Variants in ABI3BP observed in about 807,000 individuals in gnomAD.
The protein encoded by ABI3BP is target of Nesh-SH3.
Under a neutral mutation model 268.6 loss-of-function variants are expected in ABI3BP, and 216 were observed. The observed-to-expected ratio is 0.80, with a 90% CI of 0.72 to 0.90. The LOEUF (loss-of-function observed/expected upper bound fraction) is 0.90. Ranked by LOEUF, ABI3BP falls within the 40% of genes least tolerant of loss-of-function variation. The pLI is 0.00. For synonymous variants in ABI3BP, 730 were observed against 730.0 expected, an observed-to-expected ratio of 1.00 and a Z score of 0.00; for missense variants, 2,090 against 2,182.4, an observed-to-expected ratio of 0.96 and a Z score of 0.84.
chr3:100,896,113 T>G (rs912191466), intron 4 of ABI3BP, among the ~76,000 whole-genome samples: 1 of 152,220 alleles, frequency 6.6e-6, no homozygotes, highest in Non-Finnish European at 1.5e-5. Flanking sequence ...TTGTCATTAT[T>G]GTATCTTTCA....
intron 1 of ABI3BP, among the ~76,000 whole-genome samples, chr3:100,942,147 A>G (rs2069605996): frequency 6.6e-6 from 1 of 152,102 alleles, no homozygotes; most frequent in Non-Finnish European, 1.5e-5. Flanking sequence ...TAGTGACACA[A>G]ATTTGAATAT....
At chr3:100,831,459 C>A (rs897616976) in intron 31 of ABI3BP, among the ~76,000 whole-genome samples, 3 of 152,128 alleles carry the variant, frequency 2.0e-5, no homozygotes, top group African/African-American at 7.2e-5. Context: ...CTTTACTTAA[C>A]ATAAGTAGCT....
chr3:100,972,963 T>C (rs904002644), intron 1 of ABI3BP, among the ~76,000 whole-genome samples: 1 of 152,216 alleles, frequency 6.6e-6, no homozygotes, highest in Non-Finnish European at 1.5e-5. Flanking sequence ...AACAAGGTGA[T>C]GCTCTGCCTT....
intron 2 of ABI3BP, among the ~76,000 whole-genome samples, chr3:100,926,075 A>G (rs567628745): frequency 6.6e-6 from 1 of 152,238 alleles, no homozygotes; most frequent in East Asian, 1.9e-4. Flanking sequence ...TTCTTGAGTT[A>G]TATAGCCAGG....
At chr3:100,868,987 TA>T (rs755671535) in intron 9 of ABI3BP, among the ~76,000 whole-genome samples, 4 of 152,172 alleles carry the variant, frequency 2.6e-5, no homozygotes, top group Non-Finnish European at 5.9e-5. Flanking sequence ...TTTTTAAATG[TA>T]AAATTATAAG....
At position 100,792,677 on chromosome 3, in the gene ABI3BP, G is replaced by C; in HGVS notation, c.4024+14C>G. The stretch of plus-strand genomic sequence containing the variant: ...AAGGAAAAGTTATTCTCCAGAGGTA[G>C]GGGAGAGGATTACCCTGAGTTGTCT... On this transcript the variant is annotated intron_variant, in intron 55 of 67. Coordinates refer to ENST00000471714, the MANE Select transcript of ABI3BP (RefSeq NM_001375547.2). The C allele has an allele frequency of 6.2e-7, 1 of 1,608,092 alleles. No homozygotes were observed.
At chr3:100,775,784 G>C (rs991425523) in intron 59 of ABI3BP, among the ~76,000 whole-genome samples, 1 of 152,252 alleles carries the variant, frequency 6.6e-6, no homozygotes, top group African/African-American at 2.4e-5. Context: ...GGTACAATAA[G>C]AGCTGAGAGT....
At chr3:100,894,980 A>C (rs1015509319) in intron 4 of ABI3BP, among the ~76,000 whole-genome samples, 16 of 149,806 alleles carry the variant, frequency 1.1e-4, no homozygotes, top group South Asian at 2.1e-4. Flanking sequence ...GAAAAAAAAA[A>C]CACAAGATGA....
intron 9 of ABI3BP, among the ~76,000 whole-genome samples, chr3:100,870,099 T>A (rs12330531): frequency 0.37 from 56,395 of 152,004 alleles, 10,673 homozygotes; most frequent in Admixed American, 0.42. Flanking sequence ...TGTAGCTTTT[T>A]TGAGTTGCAG....
intron 2 of ABI3BP, among the ~76,000 whole-genome samples, chr3:100,909,803 C>G (rs1350931365): frequency 2.0e-5 from 3 of 152,178 alleles, no homozygotes; most frequent in East Asian, 3.8e-4. Context: ...AATAGGAACA[C>G]TTTTACACTG....
At position 100,866,939 on chromosome 3, in the gene ABI3BP, C is replaced by G. The variant is rs1434160063; in HGVS notation, c.928G>C (p.Ala310Pro). ...GGTGTTTTAGATTCGGCAGGTAATG[C>G]CAAGGTTTCATTCTTAGCTAAAAAG... ...KTQLAKNETLALPAESKTPEV... is the reference protein window; with the variant it reads ...KTQLAKNETLPLPAESKTPEV... The change falls in exon 10 of 68, where the codon GCA (alanine) becomes CCA (proline). Residue 310 changes from alanine (A) to proline (P), a missense_variant. Ala to Pro is a conservative substitution (Grantham distance 27). Coordinates refer to ENST00000471714, the MANE Select transcript of ABI3BP (RefSeq NM_001375547.2). The G allele has an allele frequency of 6.2e-7, 1 of 1,613,712 alleles. No individual in the cohort carries two copies. The highest frequency in any genetic ancestry group is 8.5e-7 in the Non-Finnish European group (1 of 1,179,758).
chr3:100,768,484 T>G (rs2096412040), intron 62 of ABI3BP, among the ~76,000 whole-genome samples: 1 of 152,198 alleles, frequency 6.6e-6, no homozygotes, highest in African/African-American at 2.4e-5. Context: ...TAAAAAGACA[T>G]TTAGAATTTC....
In ABI3BP at chr3:100,936,717, T is replaced by G. The variant is rs151054765; in HGVS notation, c.80-10236A>C. 8.6e-3 allele frequency among the ~76,000 whole-genome samples: 1,304 copies of G among 152,240 alleles called. 15 individuals are homozygous for G. The highest frequency in any genetic ancestry group is 0.026 in the African/African-American group (1,096 of 41,544). On this transcript the variant is annotated intron_variant, in intron 1 of 67. Transcript: ENST00000471714. ...CTGGTTTAGTCTTGGGAGGGTTATG[T>G]GTCCAGAAATTTACCCATTTCTTCT... is the stretch of plus-strand genomic sequence containing the variant.
intron 3 of ABI3BP, among the ~76,000 whole-genome samples, chr3:100,900,131 T>C (rs985062254): frequency 6.6e-6 from 1 of 152,372 alleles, no homozygotes; most frequent in African/African-American, 2.4e-5. Context: ...GTTTCAAAGA[T>C]AGTTATCATT....
chr3:100,757,564 A>G (rs1427262335), intron 63 of ABI3BP, among the ~76,000 whole-genome samples: 2 of 152,174 alleles, frequency 1.3e-5, no homozygotes, highest in Non-Finnish European at 1.5e-5. Flanking sequence ...ACATGTGAGG[A>G]CTCAAAAATA....
intron 2 of ABI3BP, chr3:100,911,137 T>G (rs1583070667): frequency 5.6e-6 from 2 of 355,642 alleles, no homozygotes; most frequent in East Asian, 1.7e-4. Flanking sequence ...TTGTCATCTG[T>G]CATCTAAGTC....
chr3:100,792,833 C>T (rs1056975998), intron 54 of ABI3BP, 65 bp from the exon 55 acceptor site: 2 of 1,375,604 alleles, frequency 1.5e-6, no homozygotes, highest in African/African-American at 1.4e-5. Flanking sequence ...ACCAAAAAAA[C>T]CCATACTCTT....
intron 19 of ABI3BP, chr3:100,846,673 C>A: frequency 2.7e-6 from 1 of 368,256 alleles, no homozygotes; most frequent in Non-Finnish European, 4.9e-6. Flanking sequence ...TATATTTAAT[C>A]AACAAATATA....
rs995316105 is a variant in ABI3BP at position 100,811,259 on chromosome 3, T to C, written c.3512A>G (p.Tyr1171Cys). ...PKTEVVESIT[Y>C]VSEPPETTLE... ...TGTGGTCTCAGGTGGTTCAGATACATATGTAATAGATTCCACAACTGTACC... is the reference window on the plus strand; with the variant it reads ...TGTGGTCTCAGGTGGTTCAGATACACATGTAATAGATTCCACAACTGTACC... Residue 1171 changes from tyrosine (Y) to cysteine (C), a missense_variant, in exon 48 of 68, where the codon TAT (tyrosine) becomes TGT (cysteine). Coordinates refer to ENST00000471714, the MANE Select transcript of ABI3BP (RefSeq NM_001375547.2). 1 of 1,534,052 alleles carries C rather than the reference T, an allele frequency of 6.5e-7. No homozygotes were observed. The highest frequency in any genetic ancestry group is 8.7e-7 in the Non-Finnish European group (1 of 1,145,752).
Sources: gnomAD v4.1 joint callset for allele counts (sites outside exome capture counted in the v4.1 genomes callset) on GRCh38, gnomAD v4.1.1 for gene constraint, MANE v1.5 for transcripts, NCBI Gene and HGNC (gene_info 2026-07-23, HGNC 2026-07-21) for gene names.